TCF4: variants seen among roughly 807,000 people sequenced by gnomAD.
The protein encoded by TCF4 is SL3-3 enhancer factor 2.
In TCF4, 3 loss-of-function variants were observed where a neutral mutation model predicts 82.1. The observed-to-expected ratio is 0.04, with a 90% CI of 0.02 to 0.09. TCF4 has a LOEUF of 0.09. Among genes scored for constraint, TCF4 ranks in the 10% least tolerant of loss-of-function variants. TCF4 has a pLI of 1.00. For synonymous variants in TCF4, 276 were observed against 309.6 expected (o/e 0.89, Z 1.14); for missense variants, 518 against 852.7 (o/e 0.61, Z 4.89).
At chr18:55,614,908 G>A (rs2097710366) in intron 2 of TCF4, among the ~76,000 whole-genome samples, 1 of 152,078 alleles carries the variant, frequency 6.6e-6, no homozygotes, top group Admixed American at 6.5e-5. Flanking sequence ...CCCATTCTGA[G>A]TTAATTTTTA....
intron 2 of TCF4, among the ~76,000 whole-genome samples, chr18:55,607,290 GTGT>G (rs985476550): frequency 1.3e-5 from 2 of 152,190 alleles, no homozygotes; most frequent in African/African-American, 4.8e-5. Context: ...TGATAAAAAT[GTGT>G]TGTTCTTAAA....
At position 55,254,442 on chromosome 18, in the gene TCF4, T is replaced by C. The variant is rs1539951; in HGVS notation, c.1350+55A>G. The C allele has an allele frequency of 0.27, 422,023 of 1,536,282 alleles. 59,278 individuals are homozygous for C. The highest frequency in any genetic ancestry group is 0.3 in the East Asian group (12,914 of 43,394). ...AAAAACAGCAACAATAGTATCTATA[T>C]CTGAAATTCTAACTCTATATGATAA... On this transcript the variant is annotated intron_variant, in intron 15 of 19. Coordinates refer to ENST00000354452, the MANE Select transcript of TCF4 (RefSeq NM_001083962.2).
intron 5 of TCF4, among the ~76,000 whole-genome samples, chr18:55,414,229 A>C (rs1215496069): frequency 6.6e-6 from 1 of 152,206 alleles, no homozygotes; most frequent in African/African-American, 2.4e-5. Context: ...AAAGTAAGTA[A>C]AGACTATTAA....
intron 15 of TCF4, among the ~76,000 whole-genome samples, chr18:55,237,661 C>T (rs1034199154): frequency 2.0e-5 from 3 of 151,952 alleles, no homozygotes; most frequent in African/African-American, 2.4e-5. Context: ...TAAGACTCCC[C>T]TTGTGTCTAT....
At chr18:55,408,033 A>G (rs2094180141) in intron 5 of TCF4, among the ~76,000 whole-genome samples, 1 of 152,192 alleles carries the variant, frequency 6.6e-6, no homozygotes, top group Non-Finnish European at 1.5e-5. Flanking sequence ...CAGACGAGCA[A>G]CTTATCAATA....
chr18:55,603,155 T>G (rs1230179534), intron 2 of TCF4, among the ~76,000 whole-genome samples: 1 of 152,132 alleles, frequency 6.6e-6, no homozygotes, highest in Non-Finnish European at 1.5e-5. Context: ...TTCTTTGACG[T>G]GGAAGTATAT....
intron 8 of TCF4, among the ~76,000 whole-genome samples, chr18:55,300,124 A>ACC (rs1033001868): frequency 1.5e-4 from 22 of 149,808 alleles, no homozygotes; most frequent in African/African-American, 5.2e-4. Flanking sequence ...ACACACACAC[A>ACC]CCCCACATTA....
intron 6 of TCF4, among the ~76,000 whole-genome samples, chr18:55,387,988 A>T (rs1043107348): frequency 2.0e-5 from 3 of 152,138 alleles, no homozygotes; most frequent in Non-Finnish European, 2.9e-5. Flanking sequence ...CAACCTCAAC[A>T]TCTCTGAGCT....
intron 3 of TCF4, among the ~76,000 whole-genome samples, chr18:55,558,115 G>A (rs909553630): frequency 9.2e-5 from 14 of 152,166 alleles, no homozygotes; most frequent in Middle Eastern, 3.4e-3. Context: ...AGCAGGCGGC[G>A]GTAGGAGGAT....
At chr18:55,589,673 G>C, upstream of TCF4, 1 of 1,038,198 alleles carries the variant, frequency 9.6e-7, no homozygotes, top group Non-Finnish European at 1.2e-6. Context: ...TCCAAGTTTA[G>C]AGGTGTCTCA....
At position 55,309,108 on chromosome 18, in the gene TCF4, T is replaced by C. The variant is rs531007637; in HGVS notation, c.550-29452A>G. Among the ~76,000 whole-genome samples the C allele has an allele frequency of 2.4e-4, 36 of 151,888 alleles. 1 individual carries two copies. In the South Asian group the frequency reaches 7.5e-3, roughly 32 times the overall value. On this transcript the variant is annotated intron_variant, in intron 8 of 19. Transcript: ENST00000354452. ...GACATCATTTATTTATTATTATTAT[T>C]ATTATCATTATTTTTAATTTTAGAG...
chr18:55,284,908 C>A (rs1426874897), intron 8 of TCF4, among the ~76,000 whole-genome samples: 2 of 152,130 alleles, frequency 1.3e-5, no homozygotes. Context: ...CACAGAACTA[C>A]CCATGTACTT....
intron 2 of TCF4, among the ~76,000 whole-genome samples, chr18:55,621,570 AT>A (rs2097719207): frequency 9.9e-6 from 1 of 100,780 alleles, no homozygotes; most frequent in South Asian, 2.5e-4. Context: ...ATTATATAAT[AT>A]TATATAATAT....
At chr18:55,413,307 A>G (rs2094421325) in intron 5 of TCF4, among the ~76,000 whole-genome samples, 2 of 152,192 alleles carry the variant, frequency 1.3e-5, no homozygotes, top group Non-Finnish European at 2.9e-5. Context: ...CAATTGACCT[A>G]TATCCCCTAA....
chr18:55,232,808 T>C (rs745328864), intron 16 of TCF4, 137 bp from the exon 17 acceptor site: 42 of 1,158,018 alleles, frequency 3.6e-5, no homozygotes, highest in Non-Finnish European at 5.0e-5. Flanking sequence ...CTGCTATCTG[T>C]TGAAGTTTCA....
intron 3 of TCF4, among the ~76,000 whole-genome samples, chr18:55,567,033 G>A: frequency 6.6e-6 from 1 of 151,806 alleles, no homozygotes; most frequent in East Asian, 1.9e-4. Flanking sequence ...TGAGCCACAG[G>A]GAAATTCAGA....
intron 3 of TCF4, among the ~76,000 whole-genome samples, chr18:55,569,180 T>C (rs181203309): frequency 1.9e-3 from 279 of 150,084 alleles, no homozygotes; most frequent in Non-Finnish European, 3.6e-3. Context: ...TATTTAACAG[T>C]GTACTTAAGG....
chr18:55,577,817 T>G (rs1448552142), intron 3 of TCF4, among the ~76,000 whole-genome samples: 1 of 152,122 alleles, frequency 6.6e-6, no homozygotes, highest in Non-Finnish European at 1.5e-5. Flanking sequence ...CCTTCTCTGT[T>G]TTTATTGAGC....
chr18:55,397,315 G>A (rs1304394497), intron 6 of TCF4, among the ~76,000 whole-genome samples: 1 of 152,128 alleles, frequency 6.6e-6, no homozygotes, highest in African/African-American at 2.4e-5. Context: ...AAATTTGTAG[G>A]CAAAACAAGT....
Sources: gnomAD v4.1 joint callset for allele counts (sites outside exome capture counted in the v4.1 genomes callset) on GRCh38, gnomAD v4.1.1 for gene constraint, MANE v1.5 for transcripts, NCBI Gene and HGNC (gene_info 2026-07-23, HGNC 2026-07-21) for gene names.